DOP1B: variants seen among roughly 807,000 people sequenced by gnomAD.
DOP1B encodes the protein DOP1 leucine zipper like protein B, also known as protein DOP1B.
A neutral mutation model predicts 233.5 loss-of-function variants in DOP1B; 174 were observed. The observed-to-expected ratio is 0.75, with a 90% CI of 0.66 to 0.85. The LOEUF is 0.85. Ranked by LOEUF, DOP1B falls within the 40% of genes least tolerant of loss-of-function variation. The pLI is 0.00. For missense variants in DOP1B, 2,652 were observed against 2,846.6 expected, an observed-to-expected ratio of 0.93 and a Z score of 1.56; for synonymous variants, 1,190 against 1,185.6, an observed-to-expected ratio of 1.00 and a Z score of -0.08.
In DOP1B at chr21:36,227,856, G is replaced by A. The variant is rs149631893; in HGVS notation, c.1644G>A (p.Thr548=). 131 of 1,603,222 alleles carry A rather than the reference G, an allele frequency of 8.2e-5. No homozygotes were observed. Among genetic ancestry groups the A allele is most frequent in the East Asian group, 3.1e-4 (14 of 44,598 alleles). The change falls in exon 13 of 37, where the codon ACG becomes ACA. Residue 548 remains threonine, a synonymous_variant. Transcript: ENST00000691173. ...AGATGCCTCCTTCCTACCTCGACAC[G>A]GAGTCCACCAGCGGAACCTCGGTGT... ...KVQMPPSYLD[T]ESTSGTSSPV...
Position 36,214,437 on chromosome 21 carries a change from A to C in DOP1B, c.1015-5A>C. 2 of 1,605,156 alleles carry C rather than the reference A, an allele frequency of 1.2e-6. No homozygotes were observed. Among genetic ancestry groups the C allele is most frequent in the Non-Finnish European group, 1.7e-6 (2 of 1,177,716 alleles). ...TTCTAATATGTGGCTTTTTTTAAAT[A>C]ATAGGGTTTGGCTGAGATATTGCAT... On this transcript the variant is annotated splice_polypyrimidine_tract_variant and splice_region_variant and intron_variant, in intron 8 of 36. Transcript: ENST00000691173.
At chr21:36,207,346 G>C (rs2898277) in intron 4 of DOP1B, among the ~76,000 whole-genome samples, 35,417 of 151,610 alleles carry the variant, frequency 0.23, 4,154 homozygotes, top group Non-Finnish European at 0.26. Context: ...CATCATGCCT[G>C]GCTAATTTTT....
chr21:36,176,628 T>C (rs1435927315), intron 2 of DOP1B, among the ~76,000 whole-genome samples: 5 of 152,134 alleles, frequency 3.3e-5, no homozygotes, highest in Non-Finnish European at 2.9e-5. Flanking sequence ...CTGAATTGCC[T>C]TCTGAGAAGA....
chr21:36,255,815 G>A (rs1313252492), intron 23 of DOP1B, among the ~76,000 whole-genome samples: 2 of 152,098 alleles, frequency 1.3e-5, no homozygotes, highest in African/African-American at 2.4e-5. Flanking sequence ...GATTTCATCT[G>A]GCTGCTGTGA....
rs1023517171 is a variant in DOP1B, at chr21:36,219,512, C to T, written c.1250+20C>T. The T allele has an allele frequency of 6.2e-7, 1 of 1,611,906 alleles. No individual in the cohort carries two copies. Among genetic ancestry groups the T allele is most frequent in the Admixed American group, 1.7e-5 (1 of 59,766 alleles). On this transcript the variant is annotated intron_variant, in intron 10 of 36. Coordinates refer to ENST00000691173, the MANE Select transcript of DOP1B (RefSeq NM_001320714.2). ...GATAAGGTATGGGTTTGGCCTTGAA[C>T]CTCACGCATCTCTCTCCCTCCCCGG...
chr21:36,265,924 T>C (rs1158022381), intron 26 of DOP1B, among the ~76,000 whole-genome samples: 1 of 152,086 alleles, frequency 6.6e-6, no homozygotes, highest in Non-Finnish European at 1.5e-5. Context: ...GGACACTAGA[T>C]AGGCACCGTC....
chr21:36,247,184 C>G (rs555885798), intron 19 of DOP1B, among the ~76,000 whole-genome samples: 1 of 152,246 alleles, frequency 6.6e-6, no homozygotes, highest in African/African-American at 2.4e-5. Flanking sequence ...CAGCCCTGAT[C>G]CTTTATTTCA....
At chr21:36,291,732 A>G (rs1428104043) in intron 35 of DOP1B, among the ~76,000 whole-genome samples, 1 of 152,202 alleles carries the variant, frequency 6.6e-6, no homozygotes, top group African/African-American at 2.4e-5. Context: ...GAACTGAGAC[A>G]CGCTGGAATC....
chr21:36,192,346 A>T (rs2066242853), intron 2 of DOP1B, among the ~76,000 whole-genome samples: 1 of 149,724 alleles, frequency 6.7e-6, no homozygotes, highest in African/African-American at 2.5e-5. Flanking sequence ...GTGACAGGGC[A>T]AGACACTGTC....
At chr21:36,269,453 C>A (rs150435285) in intron 26 of DOP1B, among the ~76,000 whole-genome samples, 1 of 152,114 alleles carries the variant, frequency 6.6e-6, no homozygotes, top group South Asian at 2.1e-4. Flanking sequence ...CCACACCTAG[C>A]GTATTAATAA....
chr21:36,186,039 C>T (rs2066161611), intron 2 of DOP1B, among the ~76,000 whole-genome samples: 1 of 152,082 alleles, frequency 6.6e-6, no homozygotes, highest in East Asian at 1.9e-4. Flanking sequence ...CTTGTTTCTA[C>T]TAAAAATACA....
chr21:36,200,390 C>A lies in DOP1B; in HGVS notation c.380C>A (p.Thr127Asn), dbSNP rs764894734. The change falls in exon 4 of 37, where the codon ACC becomes AAC. Residue 127 changes from threonine to asparagine, a missense_variant. Physicochemically the swap from Thr to Asn is moderately conservative, Grantham distance 65. Around this residue, in one of 3 missense-constraint regions of DOP1B, gnomAD observed 2,617 missense variants for 2,794.3 expected, o/e 0.94. Transcript: ENST00000691173. The stretch of plus-strand genomic sequence containing the variant: ...GTGTCGGTGAGGCCGGTGCTGCTCA[C>A]CCTGTACGAGAAGTACTTCCTCCCA... ...AAVSVRPVLL[T>N]LYEKYFLPLQ... 9.9e-6 allele frequency: 16 copies of A among 1,613,686 alleles called. No homozygotes were observed. Among genetic ancestry groups the A allele is most frequent in the African/African-American group, 1.3e-5 (1 of 75,050 alleles).
At chr21:36,260,386 A>G (rs952652570) in intron 23 of DOP1B, among the ~76,000 whole-genome samples, 1 of 152,142 alleles carries the variant, frequency 6.6e-6, no homozygotes, top group Non-Finnish European at 1.5e-5. Flanking sequence ...AAGTTCGGTT[A>G]CAGTGCCAAT....
chr21:36,223,702 C>T (rs1391405292), intron 11 of DOP1B, among the ~76,000 whole-genome samples: 2 of 152,174 alleles, frequency 1.3e-5, no homozygotes, highest in Non-Finnish European at 2.9e-5. Context: ...GGCTTTGTGA[C>T]TGGATAGAGT....
intron 27 of DOP1B, among the ~76,000 whole-genome samples, chr21:36,271,295 T>G (rs2284638): frequency 0.24 from 31,610 of 131,464 alleles, 3,710 homozygotes; most frequent in Non-Finnish European, 0.28. Context: ...AGGTTGGAGT[T>G]CACCCAGGTT....
At chr21:36,205,418 T>C (rs1009271223) in intron 4 of DOP1B, among the ~76,000 whole-genome samples, 1 of 152,042 alleles carries the variant, frequency 6.6e-6, no homozygotes, top group Non-Finnish European at 1.5e-5. Context: ...AGATGGAGTC[T>C]CACTCTGTTG....
At chr21:36,290,640 A>G (rs2067545350) in intron 35 of DOP1B, among the ~76,000 whole-genome samples, 1 of 152,072 alleles carries the variant, frequency 6.6e-6, no homozygotes. Flanking sequence ...AAAATACAAA[A>G]TTAGCTGGGC....
rs1287800471 is a variant in DOP1B at position 36,289,078 on chromosome 21, A to G, written c.6387A>G (p.Ser2129=). ...STNKVNRTKV[S]VPDANGPSVG... is the part of the protein sequence containing the mutation. ...ACAAAGTAAACAGAACGAAAGTTTC[A>G]GTCCCGGATGCAAATGGACCCTCAG... is the stretch of plus-strand genomic sequence containing the variant. Residue 2129 remains serine, a synonymous_variant, in exon 35 of 37, where the codon TCA becomes TCG. Coordinates refer to ENST00000691173, the MANE Select transcript of DOP1B (RefSeq NM_001320714.2). 6.2e-7 allele frequency: 1 copy of G among 1,612,524 alleles called. No individual in the cohort carries two copies. The highest frequency in any genetic ancestry group is 8.5e-7 in the Non-Finnish European group (1 of 1,179,708).
chr21:36,274,984 A>G lies in DOP1B; in HGVS notation c.5633-2037A>G, dbSNP rs1034082486. Among the ~76,000 whole-genome samples the G allele has an allele frequency of 7.2e-5, 11 of 151,880 alleles. No homozygotes were observed. In the Admixed American group the frequency reaches 7.2e-4, roughly 10 times the overall value. On this transcript the variant is annotated intron_variant, in intron 27 of 36. Coordinates refer to ENST00000691173, the MANE Select transcript of DOP1B (RefSeq NM_001320714.2). ...CTCAGCCTCCCAAGTAGCTGGGATT[A>G]CAGGTGCACGCCACCACACCTGGGT...
Sources: allele counts gnomAD v4.1 joint callset (sites outside exome capture counted in the v4.1 genomes callset), GRCh38; gene constraint gnomAD v4.1.1; regional missense constraint gnomAD v4.1.1; transcripts MANE v1.5; gene names NCBI Gene and HGNC (gene_info 2026-07-23, HGNC 2026-07-21).